The following AP5B1 variants were observed in gnomAD, a reference collection of about 807,000 sequenced individuals.
AP5B1 encodes the protein adaptor related protein complex 5 subunit beta 1.
A neutral mutation model predicts 5.7 loss-of-function variants in AP5B1; 3 were observed. That is an observed-to-expected ratio of 0.53 (90% CI 0.24 to 1.36). AP5B1 has a LOEUF of 1.36. Among genes scored for constraint, AP5B1 ranks in the 40% most tolerant of loss-of-function variants. The pLI, the probability that AP5B1 is intolerant of heterozygous loss-of-function variation, is 0.17. For missense variants in AP5B1, 1,310 were observed against 1,143.2 expected (o/e 1.15, Z -2.10); for synonymous variants, 696 against 555.5 (o/e 1.25, Z -3.56).
Position 65,777,645 on chromosome 11 carries a change from T to C in AP5B1, c.*211A>G. On this transcript the variant is annotated 3_prime_UTR_variant, in exon 2 of 2. Coordinates refer to ENST00000532090, the MANE Select transcript of AP5B1 (RefSeq NM_138368.5). The stretch of plus-strand genomic sequence containing the variant: ...TCTGAGCCAATACATTTCTGTTTAT[T>C]ATAACTTACCCCGTCTCAGGGATCT... 2 of 598,162 alleles carry C rather than the reference T, an allele frequency of 3.3e-6. No homozygotes were observed. Among genetic ancestry groups the C allele is most frequent in the East Asian group, 2.9e-5 (1 of 34,180 alleles). The allele number at this position is 598,162 out of a possible 1,614,324, so 37.1% of individuals were successfully genotyped here. A position where few individuals can be genotyped will look rare whatever the true frequency, so the allele number is the denominator to read the frequency against.
At position 65,777,661 on chromosome 11, in the gene AP5B1, T is replaced by A; in HGVS notation, c.*195A>T. 1.6e-6 allele frequency: 1 copy of A among 626,472 alleles called. No individual in the cohort carries two copies. Among genetic ancestry groups the A allele is most frequent in the East Asian group, 2.9e-5 (1 of 34,962 alleles). The allele number at this position is 626,472 out of a possible 1,614,324, so 38.8% of individuals were successfully genotyped here. A position where few individuals can be genotyped will look rare whatever the true frequency, so the allele number is the denominator to read the frequency against. On this transcript the variant is annotated 3_prime_UTR_variant, in exon 2 of 2. Transcript: ENST00000532090. ...TCTGTTTATTATAACTTACCCCGTC[T>A]CAGGGATCTTGCTAGAGCAGCAAAA... is the stretch of plus-strand genomic sequence containing the variant.
At position 65,778,723 on chromosome 11, in the gene AP5B1, G is replaced by A. The variant is rs914677236; in HGVS notation, c.1770C>T (p.Gly590=). ...GCACCTGCAGCAAGTCGACCAGGCCGCCCCTCACCCCTGCCCGCAGCAGCG... is the reference window on the plus strand; with the variant it reads ...GCACCTGCAGCAAGTCGACCAGGCCACCCCTCACCCCTGCCCGCAGCAGCG... ...CRALLRAGVR[G]GLVDLLQVLA... Residue 590 remains glycine (G), a synonymous_variant, in exon 2 of 2, where the codon GGC becomes GGT. Transcript: ENST00000532090. The A allele has an allele frequency of 1.4e-5, 22 of 1,593,452 alleles. No individual in the cohort carries two copies. Among genetic ancestry groups the A allele is most frequent in the Non-Finnish European group, 1.9e-5 (22 of 1,171,552 alleles).
At position 65,780,095 on chromosome 11, in the gene AP5B1, A is replaced by G. The variant is rs1420157282; in HGVS notation, c.398T>C (p.Leu133Pro). The G allele has an allele frequency of 6.6e-7, 1 of 1,524,650 alleles. No homozygotes were observed. The highest frequency in any genetic ancestry group is 1.2e-5 in the South Asian group (1 of 81,980). The allele number at this position is 1,524,650 out of a possible 1,614,324, so 94.4% of individuals were successfully genotyped here. A position where few individuals can be genotyped will look rare whatever the true frequency, so the allele number is the denominator to read the frequency against. Reference protein sequence around the residue: ...LLLGLAAGSDLGRGFVPASEQ... With the variant: ...LLLGLAAGSDPGRGFVPASEQ... ...CGAGGCGGGGACAAAGCCTCGCCCC[A>G]GATCGCTACCCGCGGCCAGGCCGAG... is the stretch of plus-strand genomic sequence containing the variant. The change falls in exon 2 of 2, where the codon CTG (leucine) becomes CCG (proline). Residue 133 changes from leucine (L) to proline (P), a missense_variant. Physicochemically the swap from Leu to Pro is moderately conservative, Grantham distance 98 (BLOSUM62 -3). Coordinates refer to ENST00000532090, the MANE Select transcript of AP5B1 (RefSeq NM_138368.5).
rs376325891 is a variant in AP5B1 at position 65,777,991 on chromosome 11, C to A, written c.2502G>T (p.Leu834=). ...PPTSYCVAIH[L]PPDSKLLLRL... ...GCAGCAGCAGCTTTGAGTCCGGGGG[C>A]AGGTGGATTGCTACACAGTAGCTGG... Residue 834 remains leucine (L), a synonymous_variant, in exon 2 of 2, where the codon CTG becomes CTT. Coordinates refer to ENST00000532090, the MANE Select transcript of AP5B1 (RefSeq NM_138368.5). 1 of 1,610,652 alleles carries A rather than the reference C, an allele frequency of 6.2e-7. No homozygotes were observed. Among genetic ancestry groups the A allele is most frequent in the African/African-American group, 1.3e-5 (1 of 74,870 alleles).
In AP5B1 at chr11:65,780,250, G is replaced by A; in HGVS notation, c.243C>T (p.Thr81=). The change falls in exon 2 of 2, where the codon ACC becomes ACT. Residue 81 remains threonine, a synonymous_variant. Transcript: ENST00000532090. ...AGGGCCGCGGGGGTAGGAGGACCAA[G>A]GTGTCCAACAGGGAGGTGGCGGCCA... ...AEVAATSLLD[T]LVLLPPRPSA... 1 of 1,514,238 alleles carries A rather than the reference G, an allele frequency of 6.6e-7. No homozygotes were observed. Among genetic ancestry groups the A allele is most frequent in the South Asian group, 1.3e-5 (1 of 77,368 alleles). The allele number at this position is 1,514,238 out of a possible 1,614,324, so 93.8% of individuals were successfully genotyped here.
chr11:65,779,526 G>C lies in AP5B1; in HGVS notation c.967C>G (p.Leu323Val). The change falls in exon 2 of 2, where the codon CTG becomes GTG. Residue 323 changes from leucine to valine, a missense_variant. Physicochemically the swap from Leu to Val is conservative, Grantham distance 32 (BLOSUM62 1). Transcript: ENST00000532090. ...VRLLGTAQLT[L>V]LHAMLALKAA... ...TTGAGCGCAAGCATGGCGTGCAACA[G>C]TGTCAGCTGTGCTGTGCCTAGCAGC... The C allele has an allele frequency of 3.1e-6, 5 of 1,606,526 alleles. No individual in the cohort carries two copies. The highest frequency in any genetic ancestry group is 4.2e-6 in the Non-Finnish European group (5 of 1,177,748).
At position 65,777,956 on chromosome 11, in the gene AP5B1, G is replaced by A. The variant is rs1487829988; in HGVS notation, c.2537C>T (p.Ala846Val). ...PDSKLLLRLE[A>V]ALADGVPVAL... ...CACAGGCACTCCATCTGCCAGGGCC[G>A]CCTCCAGCCGCAGCAGCAGCTTTGA... is the stretch of plus-strand genomic sequence containing the variant. The change falls in exon 2 of 2, where the codon GCG becomes GTG. Residue 846 changes from alanine (A) to valine (V), a missense_variant. Ala to Val is a moderately conservative substitution (Grantham distance 64, BLOSUM62 0). Coordinates refer to ENST00000532090, the MANE Select transcript of AP5B1 (RefSeq NM_138368.5). The A allele has an allele frequency of 8.2e-6, 13 of 1,587,916 alleles. No individual in the cohort carries two copies. The Admixed American group carries it at 1.6e-4, about 20-fold the overall frequency.
At position 65,776,640 on chromosome 11, in the gene AP5B1, G is replaced by T. The variant is rs1234989295; in HGVS notation, c.*1216C>A. 1 of 152,210 alleles carries T rather than the reference G, an allele frequency of 6.6e-6. No individual in the cohort carries two copies. The highest frequency in any genetic ancestry group is 6.5e-5 in the Admixed American group (1 of 15,282). 9.4% of individuals were successfully genotyped at this position (152,210 alleles called of 1,614,324 possible). A position where few individuals can be genotyped will look rare whatever the true frequency, so the allele number is the denominator to read the frequency against. ...CTAAGCACAAATTAGGTTTCTTAGGGGCTGAGATTAGAAAAAACTTGGTCT... is the reference window on the plus strand; with the variant it reads ...CTAAGCACAAATTAGGTTTCTTAGGTGCTGAGATTAGAAAAAACTTGGTCT... On this transcript the variant is annotated 3_prime_UTR_variant, in exon 2 of 2. Transcript: ENST00000532090.
rs995113242 is a variant in AP5B1, at chr11:65,775,475, G to T, written c.*2381C>A. On this transcript the variant is annotated 3_prime_UTR_variant, in exon 2 of 2. Transcript: ENST00000532090. Reference sequence around the variant, plus strand: ...GGATGGAGGACACAGGGCCAAGGAAGTTTGCTCTGCGGGCCCAGCCTTGGA... The same window carrying T: ...GGATGGAGGACACAGGGCCAAGGAATTTTGCTCTGCGGGCCCAGCCTTGGA... 1.3e-5 allele frequency among the ~76,000 whole-genome samples: 2 copies of T among 152,246 alleles called. No homozygotes were observed. The highest frequency in any genetic ancestry group is 2.9e-5 in the Non-Finnish European group (2 of 68,048).
In AP5B1 at chr11:65,774,656, A is replaced by G. The variant is rs115893008; in HGVS notation, c.*3200T>C. ...ATTCTTCACCTCAGGTAATCAACCC[A>G]CCTCGGCCTCCCAAAATGCTGGGAT... On this transcript the variant is annotated 3_prime_UTR_variant, in exon 2 of 2. Coordinates refer to ENST00000532090, the MANE Select transcript of AP5B1 (RefSeq NM_138368.5). 0.014 allele frequency among the ~76,000 whole-genome samples: 2,101 copies of G among 152,020 alleles called. 38 individuals are homozygous for G. Among genetic ancestry groups the G allele is most frequent in the African/African-American group, 0.048 (2,001 of 41,482 alleles).
rs2135687867 is a variant in AP5B1, at chr11:65,778,083, G to A, written c.2410C>T (p.Pro804Ser). 6 of 1,612,800 alleles carry A rather than the reference G, an allele frequency of 3.7e-6. No homozygotes were observed. The East Asian group carries it at 1.3e-4, about 36-fold the overall frequency. Residue 804 changes from proline to serine, a missense_variant, in exon 2 of 2, where the codon CCA becomes TCA. Transcript: ENST00000532090. ...AESRVWCPLG[P>S]QGLEGLVSRH... ...GACACCAAGCCCTCCAGGCCCTGTG[G>A]CCCAAGTGGACACCACACACGACTC...
In AP5B1 at chr11:65,778,364, A is replaced by G. The variant is rs766563337; in HGVS notation, c.2129T>C (p.Val710Ala). ...EGQLYAPLEA[V>A]HVPCLCPGRP... is the part of the protein sequence containing the mutation. ...GCCAGGACACAGGCAGGGCACATGGACAGCCTCCAGGGGTGCATACAGCTG... is the reference window on the plus strand; with the variant it reads ...GCCAGGACACAGGCAGGGCACATGGGCAGCCTCCAGGGGTGCATACAGCTG... The change falls in exon 2 of 2, where the codon GTC (valine) becomes GCC (alanine). Residue 710 changes from valine to alanine, a missense_variant. Val to Ala is a moderately conservative substitution (Grantham distance 64, BLOSUM62 0). Transcript: ENST00000532090. 1 of 1,609,088 alleles carries G rather than the reference A, an allele frequency of 6.2e-7. No individual in the cohort carries two copies. Among genetic ancestry groups the G allele is most frequent in the Admixed American group, 1.7e-5 (1 of 59,206 alleles).
chr11:65,777,597 A>C lies in AP5B1; in HGVS notation c.*259T>G. On this transcript the variant is annotated 3_prime_UTR_variant, in exon 2 of 2. Coordinates refer to ENST00000532090, the MANE Select transcript of AP5B1 (RefSeq NM_138368.5). ...CTCACTGGGCTCTGGGCCCTCCACT[A>C]TGGACTTCCCAGCCTCCAGAGCTCT... 2 of 477,936 alleles carry C rather than the reference A, an allele frequency of 4.2e-6. No individual in the cohort carries two copies. Among genetic ancestry groups the C allele is most frequent in the Non-Finnish European group, 7.4e-6 (2 of 271,282 alleles). 29.6% of individuals were successfully genotyped at this position (477,936 alleles called of 1,614,324 possible).
chr11:65,780,058 G>A lies in AP5B1; in HGVS notation c.435C>T (p.Pro145=), dbSNP rs1264216550. The change falls in exon 2 of 2, where the codon CCC becomes CCT. Residue 145 remains proline (P), a synonymous_variant. Transcript: ENST00000532090. ...GGCACTCGCAGGCCGTGGCCTGCAA[G>A]GGGCGCTGTTCCGAGGCGGGGACAA... The part of the protein sequence containing the change: ...RGFVPASEQR[P]LQATACECLR... 1.3e-6 allele frequency: 2 copies of A among 1,550,278 alleles called. No homozygotes were observed. The highest frequency in any genetic ancestry group is 1.4e-5 in the African/African-American group (1 of 73,074).
In AP5B1 at chr11:65,780,711, C is replaced by T. The variant is rs1346722421; in HGVS notation, c.-120G>A. ...TCACCCCCAGACGCCGCGCAGATGC[C>T]GGCGGGACCCGCGCCCGGCTCCCAC... is the stretch of plus-strand genomic sequence containing the variant. On this transcript the variant is annotated 5_prime_UTR_variant, in exon 1 of 2. Transcript: ENST00000532090. 7 of 1,081,888 alleles carry T rather than the reference C, an allele frequency of 6.5e-6. No individual in the cohort carries two copies. Among genetic ancestry groups the T allele is most frequent in the South Asian group, 7.3e-5 (2 of 27,402 alleles). 67.0% of individuals were successfully genotyped at this position (1,081,888 alleles called of 1,614,324 possible).
Position 65,779,390 on chromosome 11 carries a change from TA to T in AP5B1, c.1102del (p.Tyr368ThrfsTer6), listed in dbSNP as rs779144905. On this transcript the variant is annotated frameshift_variant, in exon 2 of 2. Coordinates refer to ENST00000532090, the MANE Select transcript of AP5B1 (RefSeq NM_138368.5). LOFTEE classifies it low-confidence loss of function (END_TRUNC). ...PALPPPTHLFYLHCVLSFPEN... is the reference protein window; with the variant it reads ...PALPPPTHLFXLHCVLSFPEN... ...AGGGAAGCTCAGGACGCAGTGAAGG[TA>T]AAAGAGATGGGTGGGCGGAGGCAGA... is the stretch of plus-strand genomic sequence containing the variant. 1.2e-6 allele frequency: 2 copies of T among 1,602,408 alleles called. No homozygotes were observed. The highest frequency in any genetic ancestry group is 1.7e-5 in the Admixed American group (1 of 58,978).
chr11:65,774,459 T>C lies in AP5B1; in HGVS notation c.*3397A>G, dbSNP rs931208813. ...CGGAGTCCTGCTCTGTCATCCAGGC[T>C]GGAGTGTAGTGGCCCAATCTCAGTT... is the stretch of plus-strand genomic sequence containing the variant. On this transcript the variant is annotated 3_prime_UTR_variant, in exon 2 of 2. Coordinates refer to ENST00000532090, the MANE Select transcript of AP5B1 (RefSeq NM_138368.5). Among the ~76,000 whole-genome samples, 8 of 152,220 alleles carry C rather than the reference T, an allele frequency of 5.3e-5. No homozygotes were observed. Among genetic ancestry groups the C allele is most frequent in the Non-Finnish European group, 1.2e-4 (8 of 68,026 alleles).
chr11:65,779,412 G>A lies in AP5B1; in HGVS notation c.1081C>T (p.Pro361Ser), dbSNP rs897370638. 2 of 1,606,164 alleles carry A rather than the reference G, an allele frequency of 1.2e-6. No individual in the cohort carries two copies. Among genetic ancestry groups the A allele is most frequent in the African/African-American group, 1.3e-5 (1 of 74,990 alleles). The change falls in exon 2 of 2, where the codon CCT becomes TCT. Residue 361 changes from proline to serine, a missense_variant. Pro to Ser is a moderately conservative substitution (Grantham distance 74). Coordinates refer to ENST00000532090, the MANE Select transcript of AP5B1 (RefSeq NM_138368.5). Reference protein sequence around the residue: ...LTLAAQHPALPPPTHLFYLHC... With the variant: ...LTLAAQHPALSPPTHLFYLHC... ...AGGTAAAAGAGATGGGTGGGCGGAG[G>A]CAGAGCAGGGTGCTGGGCAGCCAAG...
chr11:65,779,963 C>G lies in AP5B1; in HGVS notation c.530G>C (p.Gly177Ala). The change falls in exon 2 of 2, where the codon GGG becomes GCG. Residue 177 changes from glycine (G) to alanine (A), a missense_variant. Physicochemically the swap from Gly to Ala is moderately conservative, Grantham distance 60. Transcript: ENST00000532090. ...GSLGLLRGLL[G>A]QEGPVQPLSL... ...GAGTGGCTGGACAGGGCCTTCCTGC[C>G]CCAGCAGGCCCCGCAGCAACCCCAG... is the stretch of plus-strand genomic sequence containing the variant. 6.3e-7 allele frequency: 1 copy of G among 1,582,866 alleles called. No homozygotes were observed. The highest frequency in any genetic ancestry group is 8.6e-7 in the Non-Finnish European group (1 of 1,164,952).
Sources: gnomAD v4.1 joint callset for allele counts (sites outside exome capture counted in the v4.1 genomes callset) on GRCh38, gnomAD v4.1.1 for gene constraint, MANE v1.5 for transcripts, NCBI Gene and HGNC (gene_info 2026-07-23, HGNC 2026-07-21) for gene names.